Variants in ETFA observed in about 807,000 individuals in gnomAD.
ETFA encodes electron transfer flavoprotein subunit alpha, mitochondrial.
In ETFA, 22 loss-of-function variants were observed where a neutral mutation model predicts 46.2. That is an observed-to-expected ratio of 0.48 (90% confidence interval 0.34 to 0.68). The LOEUF (loss-of-function observed/expected upper bound fraction) is 0.68. Among genes scored for constraint, ETFA ranks in the 30% least tolerant of loss-of-function variants. ETFA has a pLI of 0.01. For synonymous variants in ETFA, 131 were observed against 139.9 expected, an observed-to-expected ratio of 0.94 and a Z score of 0.45; for missense variants, 345 against 401.1, an observed-to-expected ratio of 0.86 and a Z score of 1.19.
intron 9 of ETFA, among the ~76,000 whole-genome samples, chr15:76,273,189 A>C (rs1404644286): frequency 6.6e-6 from 1 of 151,910 alleles, no homozygotes; most frequent in African/African-American, 2.4e-5. Flanking sequence ...TATATAAAAA[A>C]CTCCTACAAA....
chr15:76,268,322 G>A, intron 9 of ETFA, among the ~76,000 whole-genome samples: 1 of 152,254 alleles, frequency 6.6e-6, no homozygotes, highest in East Asian at 1.9e-4. Context: ...CCATGGAGCG[G>A]GAGACTGGAG....
intron 1 of ETFA, among the ~76,000 whole-genome samples, chr15:76,301,686 G>A (rs1201528117): frequency 6.7e-6 from 1 of 148,856 alleles, no homozygotes; most frequent in Non-Finnish European, 1.5e-5. Context: ...CTCCAGCCTA[G>A]GCGAGAGAGA....
chr15:76,226,053 T>C (rs2039000907), intron 10 of ETFA, 124 bp from the exon 11 acceptor site: 3 of 685,272 alleles, frequency 4.4e-6, no homozygotes, highest in Non-Finnish European at 7.7e-6. Context: ...ATTTGAGGCA[T>C]CTGTGTCAAC....
chr15:76,237,116 G>C (rs951275924), intron 9 of ETFA, among the ~76,000 whole-genome samples: 1 of 152,148 alleles, frequency 6.6e-6, no homozygotes, highest in African/African-American at 2.4e-5. Flanking sequence ...GCAGTGGCAC[G>C]ATCTTGGCTC....
At chr15:76,262,597 C>T (rs182411189) in intron 9 of ETFA, among the ~76,000 whole-genome samples, 1 of 150,046 alleles carries the variant, frequency 6.7e-6, no homozygotes. Context: ...ATTCTCCTGC[C>T]TCAGCCTCCT....
chr15:76,282,326 C>A (rs2039663953), intron 8 of ETFA, among the ~76,000 whole-genome samples: 1 of 152,068 alleles, frequency 6.6e-6, no homozygotes, highest in Non-Finnish European at 1.5e-5. Flanking sequence ...GAGTAGCCAC[C>A]AGAAGCTGGA....
At chr15:76,299,105 C>T (rs989362810) in intron 1 of ETFA, among the ~76,000 whole-genome samples, 7 of 152,178 alleles carry the variant, frequency 4.6e-5, no homozygotes, top group Non-Finnish European at 7.3e-5. Context: ...AAAGGAATCT[C>T]GATCTCTTCA....
chr15:76,269,314 G>T (rs1317877009), intron 9 of ETFA, among the ~76,000 whole-genome samples: 2 of 152,198 alleles, frequency 1.3e-5, no homozygotes, highest in East Asian at 3.9e-4. Context: ...TTTGGAATAT[G>T]TCTGGGGTCC....
At chr15:76,304,874 C>T (rs551620126) in intron 1 of ETFA, among the ~76,000 whole-genome samples, 2 of 152,046 alleles carry the variant, frequency 1.3e-5, no homozygotes, top group South Asian at 2.1e-4. Context: ...GAAACCCCGT[C>T]TCTACTAAAA....
At position 76,232,513 on chromosome 15, in the gene ETFA, T is replaced by C. The variant is rs144031686; in HGVS notation, c.817-1115A>G. On this transcript the variant is annotated intron_variant, in intron 9 of 11. Transcript: ENST00000557943. Reference sequence around the variant, plus strand: ...GGCACTGAAGGTGGTTCTGTTATACTTACTTTTATTACAGGGCAGATACTT... The same window carrying C: ...GGCACTGAAGGTGGTTCTGTTATACCTACTTTTATTACAGGGCAGATACTT... 5.2e-3 allele frequency among the ~76,000 whole-genome samples: 793 copies of C among 152,338 alleles called. 3 individuals are homozygous for C. The highest frequency in any genetic ancestry group is 8.7e-3 in the Non-Finnish European group (589 of 68,030).
rs1439151256 is a variant in ETFA, at chr15:76,292,642, T to A, written c.245A>T (p.Asp82Val). Residue 82 changes from aspartate to valine, a missense_variant, in exon 3 of 12, where the codon GAT becomes GTT. Physicochemically the swap from Asp to Val is radical, Grantham distance 152 (BLOSUM62 -3). Coordinates refer to ENST00000557943, the MANE Select transcript of ETFA (RefSeq NM_000126.4). ...ACCTGGAAGTAGGCCTTTGTACACA[T>A]CATGCTGAGCCACCAGAACTTTTGC... is the stretch of plus-strand genomic sequence containing the variant. Reference protein sequence around the residue: ...GIAKVLVAQHDVYKGLLPEEL... With the variant: ...GIAKVLVAQHVVYKGLLPEEL... The A allele has an allele frequency of 6.2e-7, 1 of 1,613,918 alleles. No homozygotes were observed. Among genetic ancestry groups the A allele is most frequent in the Admixed American group, 1.7e-5 (1 of 60,032 alleles).
At chr15:76,274,567 G>T in intron 8 of ETFA, 73 bp from the exon 9 acceptor site, 3 of 1,134,718 alleles carry the variant, frequency 2.6e-6, no homozygotes, top group Non-Finnish European at 2.6e-6. Flanking sequence ...ACTGATAACT[G>T]TAAACAAAGA....
Position 76,231,410 on chromosome 15 carries a change from G to C in ETFA, c.817-12C>G, listed in dbSNP as rs752918296. The C allele has an allele frequency of 1.3e-6, 2 of 1,548,182 alleles. No individual in the cohort carries two copies. The highest frequency in any genetic ancestry group is 8.9e-7 in the Non-Finnish European group (1 of 1,120,600). ...GCAATATAAAGTTCCTGAAATAAAA[G>C]AGGTCACATTATTAATATGTATTTA... On this transcript the variant is annotated splice_polypyrimidine_tract_variant and intron_variant, in intron 9 of 11. Coordinates refer to ENST00000557943, the MANE Select transcript of ETFA (RefSeq NM_000126.4).
intron 1 of ETFA, among the ~76,000 whole-genome samples, 199 bp from the exon 2 acceptor site, chr15:76,295,936 C>CTTTTTTTTTTTATTTTTTTTTTTTTT (rs2039816837): frequency 2.1e-5 from 1 of 46,602 alleles, no homozygotes. Context: ...CACTAATATT[C>CTTTTTTTTTTTATTTTTTTTTTTTTT]TTTTTTTTTT....
chr15:76,263,419 C>A (rs956463238), intron 9 of ETFA, among the ~76,000 whole-genome samples: 1 of 152,142 alleles, frequency 6.6e-6, no homozygotes. Context: ...CACCCAGGGA[C>A]GACTGAAAGA....
At chr15:76,271,091 A>G (rs1200953879) in intron 9 of ETFA, among the ~76,000 whole-genome samples, 2 of 148,536 alleles carry the variant, frequency 1.3e-5, no homozygotes, top group Non-Finnish European at 3.0e-5. Flanking sequence ...AATCATTTGC[A>G]CCCTGAAGGC....
chr15:76,307,469 A>C (rs1393781597), intron 1 of ETFA, among the ~76,000 whole-genome samples: 1 of 151,916 alleles, frequency 6.6e-6, no homozygotes, highest in Non-Finnish European at 1.5e-5. Flanking sequence ...AAAAGAATAC[A>C]TAAAATTTAC....
intron 10 of ETFA, among the ~76,000 whole-genome samples, chr15:76,228,503 T>C (rs2039028663): frequency 6.6e-6 from 1 of 152,092 alleles, no homozygotes; most frequent in Non-Finnish European, 1.5e-5. Flanking sequence ...GCCTTAAAAG[T>C]TATTTTTAAA....
At chr15:76,304,654 T>C (rs902823205) in intron 1 of ETFA, among the ~76,000 whole-genome samples, 6 of 141,002 alleles carry the variant, frequency 4.3e-5, no homozygotes, top group African/African-American at 1.6e-4. Context: ...AGAGTAAGAC[T>C]CTATTTCAAA....
Sources: allele counts gnomAD v4.1 joint callset (sites outside exome capture counted in the v4.1 genomes callset), GRCh38; gene constraint gnomAD v4.1.1; transcripts MANE v1.5; gene names NCBI Gene and HGNC (gene_info 2026-07-23, HGNC 2026-07-21).